The following ASIC2 variants were observed in gnomAD, a reference collection of about 807,000 sequenced individuals.
ASIC2 encodes acid-sensing ion channel 2.
A neutral mutation model predicts 57.3 loss-of-function variants in ASIC2; 25 were observed. That is an observed-to-expected ratio of 0.44 (90% CI 0.32 to 0.61). ASIC2 has a LOEUF of 0.61. Among genes scored for constraint, ASIC2 ranks in the 20% least tolerant of loss-of-function variants. ASIC2 has a pLI of 0.06. For missense variants in ASIC2, 641 were observed against 738.1 expected (o/e 0.87, Z 1.52); for synonymous variants, 319 against 307.5 (o/e 1.04, Z -0.39).
At chr17:33,450,687 T>C (rs373346546) in intron 1 of ASIC2, among the ~76,000 whole-genome samples, 1 of 152,364 alleles carries the variant, frequency 6.6e-6, no homozygotes, top group African/African-American at 2.4e-5. Context: ...TAAAACCTTG[T>C]AATCAAGAGG....
chr17:33,742,762 C>G (rs533219104), intron 1 of ASIC2, among the ~76,000 whole-genome samples: 1 of 152,148 alleles, frequency 6.6e-6, no homozygotes, highest in Non-Finnish European at 1.5e-5. Flanking sequence ...ACACTGGAAA[C>G]TGCTTTTGAC....
chr17:33,332,645 C>A (rs141405887), intron 1 of ASIC2, among the ~76,000 whole-genome samples: 1 of 152,136 alleles, frequency 6.6e-6, no homozygotes, highest in African/African-American at 2.4e-5. Flanking sequence ...AATCCCGGCA[C>A]TTTGGGAGGC....
At chr17:33,964,414 G>A (rs942526446) in intron 1 of ASIC2, among the ~76,000 whole-genome samples, 2 of 152,212 alleles carry the variant, frequency 1.3e-5, no homozygotes, top group Non-Finnish European at 2.9e-5. Flanking sequence ...AGAACACTCA[G>A]TAGTCTTACA....
intron 1 of ASIC2, among the ~76,000 whole-genome samples, chr17:33,827,180 G>C (rs747077159): frequency 8.6e-5 from 13 of 152,014 alleles, no homozygotes; most frequent in Admixed American, 2.6e-4. Flanking sequence ...CAATCATTGA[G>C]AGAAGGTTTG....
intron 1 of ASIC2, among the ~76,000 whole-genome samples, chr17:33,218,465 C>T (rs1461301878): frequency 1.3e-5 from 2 of 152,182 alleles, no homozygotes; most frequent in African/African-American, 2.4e-5. Context: ...GAATAAGTCT[C>T]CGCTTCACCT....
chr17:33,870,850 A>T (rs1465681530), intron 1 of ASIC2, among the ~76,000 whole-genome samples: 2 of 152,196 alleles, frequency 1.3e-5, no homozygotes. Flanking sequence ...ACAATGCCTG[A>T]CATATGTAGG....
At chr17:33,089,392 G>A (rs939652989) in intron 2 of ASIC2, among the ~76,000 whole-genome samples, 1 of 152,142 alleles carries the variant, frequency 6.6e-6, no homozygotes, top group African/African-American at 2.4e-5. Context: ...GAAAAGGCAG[G>A]GGAATGAATT....
At chr17:33,376,931 T>A (rs1357563946) in intron 1 of ASIC2, among the ~76,000 whole-genome samples, 1 of 152,150 alleles carries the variant, frequency 6.6e-6, no homozygotes, top group Non-Finnish European at 1.5e-5. Flanking sequence ...GATTTGAGGA[T>A]CCCCATTTTG....
chr17:33,458,320 C>T (rs547718047), intron 1 of ASIC2, among the ~76,000 whole-genome samples: 2 of 152,302 alleles, frequency 1.3e-5, no homozygotes, highest in Admixed American at 6.5e-5. Context: ...TGAGATGCAG[C>T]ACAAAGGCTA....
At chr17:33,853,392 G>T (rs1017639315) in intron 1 of ASIC2, among the ~76,000 whole-genome samples, 4 of 152,138 alleles carry the variant, frequency 2.6e-5, no homozygotes, top group South Asian at 2.1e-4. Flanking sequence ...CACAGTGCTG[G>T]GCACACATGC....
In ASIC2 at chr17:33,675,336, G is replaced by A. The variant is rs565439535; in HGVS notation, c.555+480642C>T. On this transcript the variant is annotated intron_variant, in intron 1 of 9. Transcript: ENST00000359872. Reference sequence around the variant, plus strand: ...GTAGGAATGTGAGAGGTACCAGGATGTCCTGTCTACTCTGGCATCAGGAAT... The same window carrying A: ...GTAGGAATGTGAGAGGTACCAGGATATCCTGTCTACTCTGGCATCAGGAAT... Among the ~76,000 whole-genome samples the A allele has an allele frequency of 3.9e-5, 6 of 152,316 alleles. No individual in the cohort carries two copies. The East Asian group carries it at 9.7e-4, about 25-fold the overall frequency.
At chr17:33,504,762 G>A (rs73273268) in intron 1 of ASIC2, among the ~76,000 whole-genome samples, 2,910 of 152,260 alleles carry the variant, frequency 0.019, 94 homozygotes, top group African/African-American at 0.066. Context: ...CTGCAAATCA[G>A]CTCTTTCCAT....
chr17:33,476,240 G>A (rs942112859), intron 1 of ASIC2, among the ~76,000 whole-genome samples: 2 of 151,984 alleles, frequency 1.3e-5, no homozygotes, highest in Admixed American at 6.6e-5. Context: ...TTAGGAATAC[G>A]TGACCACCAT....
At chr17:33,160,599 C>T (rs1905135341) in intron 1 of ASIC2, among the ~76,000 whole-genome samples, 1 of 152,246 alleles carries the variant, frequency 6.6e-6, no homozygotes, top group African/African-American at 2.4e-5. Context: ...AGCCTCTCTC[C>T]CATTCCATTG....
intron 1 of ASIC2, among the ~76,000 whole-genome samples, chr17:34,147,861 A>T (rs1177513556): frequency 2.6e-5 from 4 of 152,214 alleles, no homozygotes; most frequent in Non-Finnish European, 1.5e-5. Flanking sequence ...GGTGCGTGGC[A>T]CTTTGACATA....
At chr17:33,128,810 A>G (rs1356541949) in intron 1 of ASIC2, among the ~76,000 whole-genome samples, 1 of 152,206 alleles carries the variant, frequency 6.6e-6, no homozygotes, top group Non-Finnish European at 1.5e-5. Context: ...TGAGTGCCTT[A>G]GTTTTTCAAA....
chr17:33,443,996 C>T (rs1911924017), intron 1 of ASIC2, among the ~76,000 whole-genome samples: 2 of 152,182 alleles, frequency 1.3e-5, no homozygotes, highest in Non-Finnish European at 2.9e-5. Context: ...CAAGCCAGCC[C>T]CCTCTGGCAG....
chr17:33,291,968 C>A lies in ASIC2; in HGVS notation c.148G>T (p.Gly50Trp). The A allele has an allele frequency of 7.5e-7, 1 of 1,331,408 alleles. No individual in the cohort carries two copies. The allele number at this position is 1,331,408 out of a possible 1,614,324, so 82.5% of individuals were successfully genotyped here. The change falls in exon 1 of 10, where the codon GGG (glycine) becomes TGG (tryptophan). Residue 50 changes from glycine to tryptophan, a missense_variant. Coordinates refer to ENST00000225823, the MANE Select transcript of ASIC2 (RefSeq NM_183377.2). ...CGCCCCCTGCGGGCGACCCCTGGCC[C>A]CTGCAGCGCCCGCTCGCCGCCTCTG... ...GGRGGERALQ[G>W]PGVARRGRPS...
chr17:33,439,142 C>G (rs533525949), intron 1 of ASIC2, among the ~76,000 whole-genome samples: 1 of 152,274 alleles, frequency 6.6e-6, no homozygotes, highest in East Asian at 1.9e-4. Context: ...TCACACCCGG[C>G]CAATGGTGGG....
Sources: gnomAD v4.1 joint callset for allele counts (sites outside exome capture counted in the v4.1 genomes callset) on GRCh38, gnomAD v4.1.1 for gene constraint, MANE v1.5 for transcripts, NCBI Gene and HGNC (gene_info 2026-07-23, HGNC 2026-07-21) for gene names.